The following SEPTIN9 variants were observed in gnomAD, a reference collection of about 807,000 sequenced individuals.
SEPTIN9 encodes septin 9.
A neutral mutation model predicts 56.6 loss-of-function variants in SEPTIN9; 13 were observed. That is an observed-to-expected ratio of 0.23 (90% CI 0.15 to 0.37). The LOEUF (loss-of-function observed/expected upper bound fraction) is 0.37. Among genes scored for constraint, SEPTIN9 ranks in the 10% least tolerant of loss-of-function variants. The pLI is 1.00. For synonymous variants in SEPTIN9, 332 were observed against 334.1 expected (o/e 0.99, Z 0.07); for missense variants, 650 against 823.1 (o/e 0.79, Z 2.57).
intron 1 of SEPTIN9, among the ~76,000 whole-genome samples, chr17:77,283,678 G>A (rs1409309719): frequency 1.3e-5 from 2 of 152,146 alleles, no homozygotes; most frequent in African/African-American, 4.8e-5. Context: ...CAGAATAAAC[G>A]GAATGACCAT....
At chr17:77,360,877 T>C (rs1276196588) in intron 2 of SEPTIN9, among the ~76,000 whole-genome samples, 1 of 151,342 alleles carries the variant, frequency 6.6e-6, no homozygotes, top group African/African-American at 2.4e-5. Flanking sequence ...GTTAGAAATG[T>C]ACCAGCCTGC....
intron 3 of SEPTIN9, among the ~76,000 whole-genome samples, chr17:77,448,966 T>G (rs1453587979): frequency 6.6e-6 from 1 of 152,124 alleles, no homozygotes; most frequent in Non-Finnish European, 1.5e-5. Context: ...GTATTTTTAG[T>G]AGAGACAGGG....
rs2037303652 is a variant in SEPTIN9 at position 77,435,491 on chromosome 17, G to A, written c.721+32788G>A. On this transcript the variant is annotated intron_variant, in intron 3 of 11. Coordinates refer to ENST00000427177, the MANE Select transcript of SEPTIN9 (RefSeq NM_001113491.2). The surrounding 1 kb of genome is among the most constrained non-coding windows in gnomAD (Gnocchi z 4.5). ...GGGGAGAAGTAGAGCAACCATGCCGGGCGGGTCGTCGTGCCCCAGTGCCGC... is the reference window on the plus strand; with the variant it reads ...GGGGAGAAGTAGAGCAACCATGCCGAGCGGGTCGTCGTGCCCCAGTGCCGC... Among the ~76,000 whole-genome samples the A allele has an allele frequency of 6.6e-6, 1 of 152,176 alleles. No homozygotes were observed. Among genetic ancestry groups the A allele is most frequent in the Non-Finnish European group, 1.5e-5 (1 of 68,036 alleles).
At position 77,307,168 on chromosome 17, in the gene SEPTIN9, T is replaced by A. The variant is rs201899859; in HGVS notation, c.47T>A (p.Leu16His). The stretch of plus-strand genomic sequence containing the variant: ...GGCACGCGGACCTCCAGTGGCCGGC[T>A]CCGGAGGCTTGGTGACTCCAGTGGC... ...SGGTRTSSGR[L>H]RRLGDSSGPA... Residue 16 changes from leucine (L) to histidine (H), a missense_variant, in exon 2 of 12, where the codon CTC (leucine) becomes CAC (histidine). Leu to His is a moderately conservative substitution (Grantham distance 99, BLOSUM62 -3). Around this residue, in one of 2 missense-constraint regions of SEPTIN9, gnomAD observed 317 missense variants for 329.1 expected, o/e 0.96. Coordinates refer to ENST00000427177, the MANE Select transcript of SEPTIN9 (RefSeq NM_001113491.2). 2.4e-5 allele frequency: 39 copies of A among 1,613,868 alleles called. No individual in the cohort carries two copies. In the Admixed American group the frequency reaches 5.5e-4, roughly 23 times the overall value.
At chr17:77,457,425 G>A (rs1306366237) in intron 3 of SEPTIN9, among the ~76,000 whole-genome samples, 4 of 152,202 alleles carry the variant, frequency 2.6e-5, no homozygotes, top group Non-Finnish European at 5.9e-5. Context: ...CTGCTTGAGG[G>A]GTCAGATAGG....
intron 2 of SEPTIN9, among the ~76,000 whole-genome samples, chr17:77,312,198 A>T (rs536433149): frequency 6.6e-6 from 1 of 152,168 alleles, no homozygotes; most frequent in East Asian, 1.9e-4. Context: ...TCCACGGCCA[A>T]CATTTAGAGG....
At chr17:77,364,650 C>T (rs980262665) in intron 2 of SEPTIN9, among the ~76,000 whole-genome samples, 10 of 152,212 alleles carry the variant, frequency 6.6e-5, no homozygotes, top group Admixed American at 6.5e-5. Context: ...AGTTCTACCC[C>T]TGAACACCCA....
rs115394469 is a variant in SEPTIN9 at position 77,494,124 on chromosome 17, G to T, written c.1573+1048G>T. ...AAGGATGCCTGTCTTTGGACTTAGGGCCTACCCTAAGTGGATGATCCCATT... is the reference window on the plus strand; with the variant it reads ...AAGGATGCCTGTCTTTGGACTTAGGTCCTACCCTAAGTGGATGATCCCATT... On this transcript the variant is annotated intron_variant, in intron 10 of 11. Coordinates refer to ENST00000427177, the MANE Select transcript of SEPTIN9 (RefSeq NM_001113491.2). Among the ~76,000 whole-genome samples the T allele has an allele frequency of 2.3e-3, 344 of 151,374 alleles. 2 individuals carry two copies. The highest frequency in any genetic ancestry group is 8.1e-3 in the African/African-American group (331 of 40,762).
intron 4 of SEPTIN9, chr17:77,483,959 C>G (rs1598448429): frequency 1.3e-5 from 2 of 152,476 alleles, no homozygotes; most frequent in Middle Eastern, 6.8e-3. Flanking sequence ...GGAGGGGCAC[C>G]TGTTTGGAGG....
chr17:77,382,229 C>T (rs1458139301), intron 2 of SEPTIN9, among the ~76,000 whole-genome samples: 1 of 152,096 alleles, frequency 6.6e-6, no homozygotes, highest in Non-Finnish European at 1.5e-5. Flanking sequence ...AGGTTTCATC[C>T]TGTTGGCCAG....
chr17:77,414,419 C>T (rs2036419604), intron 3 of SEPTIN9, among the ~76,000 whole-genome samples: 1 of 152,086 alleles, frequency 6.6e-6, no homozygotes, highest in African/African-American at 2.4e-5. Flanking sequence ...TCAGTCTATT[C>T]AGAGAGTAGT....
intron 1 of SEPTIN9, among the ~76,000 whole-genome samples, chr17:77,300,881 GCCCCCATCCCAGCTCAAACCA>G (rs1193207231): frequency 7.4e-5 from 2 of 27,156 alleles, no homozygotes; most frequent in African/African-American, 3.0e-4. Flanking sequence ...AGCTCAAACC[GCCCCCATCCCAGCTCAAACCA>G]CCCCCAACAC....
rs551466609 is a variant in SEPTIN9, at chr17:77,468,625, T to A, written c.722-13519T>A. ...TAAGAACATTGAGGCACAGAGTGGT[T>A]AAGTTACTTGCTCAGGGTCACACAG... On this transcript the variant is annotated intron_variant, in intron 3 of 11. Coordinates refer to ENST00000427177, the MANE Select transcript of SEPTIN9 (RefSeq NM_001113491.2). Among the ~76,000 whole-genome samples the A allele has an allele frequency of 3.3e-5, 5 of 152,366 alleles. No individual in the cohort carries two copies. The South Asian group carries it at 1.0e-3, about 32-fold the overall frequency.
chr17:77,491,674 C>T (rs113925738), intron 8 of SEPTIN9, among the ~76,000 whole-genome samples: 26 of 151,816 alleles, frequency 1.7e-4, no homozygotes, highest in Admixed American at 4.6e-4. Flanking sequence ...GGCATGGTGG[C>T]GGGCGCCTGT....
At position 77,315,480 on chromosome 17, in the gene SEPTIN9, G is replaced by T. The variant is rs554958460; in HGVS notation, c.76+8283G>T. On this transcript the variant is annotated intron_variant, in intron 2 of 11. Transcript: ENST00000427177. ...TTTTTGTATTTTTAGTAGAGACGGG[G>T]TTTCACCATGTTGGTCAGGCTGGTC... 3.7e-4 allele frequency among the ~76,000 whole-genome samples: 56 copies of T among 152,230 alleles called. No homozygotes were observed. The South Asian group carries it at 7.5e-3, about 20-fold the overall frequency.
chr17:77,382,495 C>T lies in SEPTIN9; in HGVS notation c.77-19564C>T, dbSNP rs2035180192. Among the ~76,000 whole-genome samples, 3 of 152,190 alleles carry T rather than the reference C, an allele frequency of 2.0e-5. No homozygotes were observed. In the South Asian group the frequency reaches 6.2e-4, roughly 31 times the overall value. On this transcript the variant is annotated intron_variant, in intron 2 of 11. Transcript: ENST00000427177. ...CGCAGCCAAGCGGGGTGCACCGCAG[C>T]ATTGGAGGGGCCCTGCTGCGCACGA...
Position 77,312,132 on chromosome 17 carries a change from C to T in SEPTIN9, c.76+4935C>T, listed in dbSNP as rs542728954. Among the ~76,000 whole-genome samples the T allele has an allele frequency of 1.8e-3, 281 of 152,296 alleles. 2 individuals are homozygous for T. The highest frequency in any genetic ancestry group is 6.8e-3 in the Middle Eastern group (2 of 294). On this transcript the variant is annotated intron_variant, in intron 2 of 11. Coordinates refer to ENST00000427177, the MANE Select transcript of SEPTIN9 (RefSeq NM_001113491.2). ...TCTTGGTTGGGCCTCCATCATCCCTCCTTGGACCAGCAGGTGCCATCCTCC... is the reference window on the plus strand; with the variant it reads ...TCTTGGTTGGGCCTCCATCATCCCTTCTTGGACCAGCAGGTGCCATCCTCC...
intron 2 of SEPTIN9, among the ~76,000 whole-genome samples, chr17:77,351,435 T>C (rs2034061821): frequency 6.6e-6 from 1 of 152,134 alleles, no homozygotes; most frequent in African/African-American, 2.4e-5. Context: ...AAGAGCAAAT[T>C]TTGCCTATGG....
In SEPTIN9 at chr17:77,475,257, G is replaced by A. The variant is rs1315957440; in HGVS notation, c.722-6887G>A. 2 of 1,380,502 alleles carry A rather than the reference G, an allele frequency of 1.4e-6. No individual in the cohort carries two copies. The highest frequency in any genetic ancestry group is 2.9e-5 in the African/African-American group (2 of 69,062). The allele number at this position is 1,380,502 out of a possible 1,614,324, so 85.5% of individuals were successfully genotyped here. On this transcript the variant is annotated intron_variant, in intron 3 of 11. Coordinates refer to ENST00000427177, the MANE Select transcript of SEPTIN9 (RefSeq NM_001113491.2). The surrounding 1 kb of genome is among the most constrained non-coding windows in gnomAD (Gnocchi z 4.6). ...CATCATTATTCAGTTACCATCGTGG[G>A]GAGACTGTCTGGACGCAGAGAGCAG...
Sources: allele counts gnomAD v4.1 joint callset (sites outside exome capture counted in the v4.1 genomes callset), GRCh38; gene constraint gnomAD v4.1.1; regional missense constraint gnomAD v4.1.1; non-coding constraint Gnocchi (gnomAD v3.1); transcripts MANE v1.5; gene names NCBI Gene and HGNC (gene_info 2026-07-23, HGNC 2026-07-21).